ADGRL4: variants seen among roughly 807,000 people sequenced by gnomAD.
ADGRL4 encodes the protein EGF, latrophilin and seven transmembrane domain containing 1.
Under a neutral mutation model 74.8 loss-of-function variants are expected in ADGRL4, and 90 were observed. The ratio of observed to expected loss-of-function variants is 1.20; its 90% CI spans 1.02 to 1.43. The LOEUF (loss-of-function observed/expected upper bound fraction) is 1.43, where lower values mean the gene tolerates loss of function less well. ADGRL4 is among the 40% of genes most tolerant of loss of function. The probability of loss-of-function intolerance (pLI) is 0.00; values close to 1 mark genes in which losing one functional copy is unlikely to be tolerated. For synonymous variants in ADGRL4, 311 were observed against 279.2 expected (o/e 1.11, Z -1.14); for missense variants, 881 against 814.3 (o/e 1.08, Z -1.00).
chr1:78,920,548 T>G (rs756623534), intron 9 of ADGRL4, among the ~76,000 whole-genome samples, 162 bp from the exon 10 acceptor site: 33 of 151,912 alleles, frequency 2.2e-4, no homozygotes, highest in Non-Finnish European at 4.1e-4. Context: ...TTTTGTACTT[T>G]TGAAAATCCT....
At chr1:78,932,424 G>C (rs1649260810) in intron 7 of ADGRL4, among the ~76,000 whole-genome samples, 1 of 151,372 alleles carries the variant, frequency 6.6e-6, no homozygotes, top group South Asian at 2.1e-4. Context: ...AGTTAAAGCA[G>C]TATTAAGAGG....
intron 2 of ADGRL4, among the ~76,000 whole-genome samples, chr1:78,954,798 C>T (rs1027077614): frequency 2.6e-5 from 4 of 151,914 alleles, no homozygotes; most frequent in African/African-American, 9.7e-5. Flanking sequence ...TATAGAGAAA[C>T]AAATTACATG....
intron 2 of ADGRL4, among the ~76,000 whole-genome samples, chr1:78,983,730 T>C (rs556631111): frequency 2.6e-5 from 4 of 151,940 alleles, no homozygotes; most frequent in South Asian, 2.1e-4. Context: ...AATACAACTT[T>C]AGGCAAGATT....
intron 12 of ADGRL4, among the ~76,000 whole-genome samples, chr1:78,903,682 T>G (rs1648564492): frequency 1.3e-5 from 2 of 151,994 alleles, no homozygotes; most frequent in South Asian, 4.2e-4. Context: ...ACGCCTGTAA[T>G]CTCAACACTT....
intron 7 of ADGRL4, among the ~76,000 whole-genome samples, chr1:78,934,259 A>T (rs770130568): frequency 2.4e-4 from 36 of 152,188 alleles, no homozygotes; most frequent in Middle Eastern, 3.4e-3. Flanking sequence ...CACATCTACA[A>T]CCATCTGATC....
At chr1:78,982,246 A>G (rs1228837490) in intron 2 of ADGRL4, among the ~76,000 whole-genome samples, 1 of 151,904 alleles carries the variant, frequency 6.6e-6, no homozygotes, top group Non-Finnish European at 1.5e-5. Context: ...TTCATGCTTT[A>G]ACATTTTCCT....
chr1:78,922,323 A>G (rs1405862879), intron 8 of ADGRL4, among the ~76,000 whole-genome samples: 2 of 151,944 alleles, frequency 1.3e-5, no homozygotes, highest in Non-Finnish European at 2.9e-5. Flanking sequence ...CAGACTTGGG[A>G]ACAGAGGGTT....
chr1:78,938,535 A>AG (rs1649408194), intron 4 of ADGRL4, among the ~76,000 whole-genome samples: 2 of 28,692 alleles, frequency 7.0e-5, no homozygotes, highest in African/African-American at 1.9e-4. Context: ...TAATTTTTTT[A>AG]AATGAGCTTT....
intron 4 of ADGRL4, 121 bp downstream of exon 4, chr1:78,939,067 C>T (rs1372956362): frequency 1.2e-5 from 15 of 1,246,798 alleles, no homozygotes; most frequent in Admixed American, 4.0e-5. Context: ...TATATGTAAA[C>T]GTTTTCGACT....
At chr1:78,923,925 G>A (rs935870103) in intron 8 of ADGRL4, among the ~76,000 whole-genome samples, 1 of 151,758 alleles carries the variant, frequency 6.6e-6, no homozygotes, top group Non-Finnish European at 1.5e-5. Context: ...AATCATTGTA[G>A]AAAATTCCCT....
chr1:78,985,286 T>A (rs149506722), intron 2 of ADGRL4, among the ~76,000 whole-genome samples: 1 of 151,752 alleles, frequency 6.6e-6, no homozygotes, highest in African/African-American at 2.4e-5. Context: ...CATAGAAAGA[T>A]ACTCTGAATT....
At chr1:78,902,992 G>C (rs1315875553) in intron 12 of ADGRL4, among the ~76,000 whole-genome samples, 5 of 152,032 alleles carry the variant, frequency 3.3e-5, no homozygotes. Flanking sequence ...AAAGTGGATT[G>C]TCAAAAAAAT....
At chr1:78,911,472 G>A (rs1242242482) in intron 12 of ADGRL4, among the ~76,000 whole-genome samples, 1 of 151,490 alleles carries the variant, frequency 6.6e-6, no homozygotes, top group African/African-American at 2.4e-5. Flanking sequence ...TGTTTACTTT[G>A]TTTTAGCTAA....
chr1:78,943,771 T>A (rs1157656196), intron 3 of ADGRL4, among the ~76,000 whole-genome samples: 1 of 152,170 alleles, frequency 6.6e-6, no homozygotes, highest in Non-Finnish European at 1.5e-5. Flanking sequence ...GCACTGCTTT[T>A]CAAAAAAGCT....
intron 12 of ADGRL4, among the ~76,000 whole-genome samples, chr1:78,902,010 T>C (rs543788768): frequency 1.3e-5 from 2 of 152,276 alleles, no homozygotes; most frequent in South Asian, 2.1e-4. Context: ...ATAATAAATA[T>C]ACTAAAGTAG....
chr1:78,941,047 T>G (rs534627324), intron 3 of ADGRL4, among the ~76,000 whole-genome samples: 1 of 152,302 alleles, frequency 6.6e-6, no homozygotes, highest in South Asian at 2.1e-4. Context: ...CCCAGAAATA[T>G]GAGCACACCA....
intron 3 of ADGRL4, among the ~76,000 whole-genome samples, chr1:78,945,594 T>A (rs1179028767): frequency 1.3e-5 from 2 of 152,172 alleles, no homozygotes; most frequent in Non-Finnish European, 2.9e-5. Flanking sequence ...ATCTGATAAA[T>A]CACATGCATG....
At chr1:78,944,056 A>T (rs1649545779) in intron 3 of ADGRL4, among the ~76,000 whole-genome samples, 1 of 151,090 alleles carries the variant, frequency 6.6e-6, no homozygotes, top group South Asian at 2.1e-4. Flanking sequence ...AAATGTTGCC[A>T]TTCAGTAATC....
chr1:78,927,128 T>C (rs1649134146), intron 7 of ADGRL4, 37 bp from the exon 8 acceptor site: 1 of 1,347,086 alleles, frequency 7.4e-7, no homozygotes, highest in African/African-American at 1.4e-5. Flanking sequence ...GAAATTCTTA[T>C]AAAACAAAGT....
Sources: gnomAD v4.1 joint callset for allele counts (sites outside exome capture counted in the v4.1 genomes callset) on GRCh38, gnomAD v4.1.1 for gene constraint, MANE v1.5 for transcripts, NCBI Gene and HGNC (gene_info 2026-07-23, HGNC 2026-07-21) for gene names.